Variants in ARHGAP10 observed in about 807,000 individuals in gnomAD.
ARHGAP10 encodes the protein Rho GTPase activating protein 10.
ARHGAP10 carries 87 observed loss-of-function variants against 108.6 expected under a neutral mutation model. That is an observed-to-expected ratio of 0.80 (90% CI 0.67 to 0.96). ARHGAP10 has a LOEUF of 0.96. Among genes scored for constraint, ARHGAP10 ranks in the 40% least tolerant of loss-of-function variants. The pLI, the probability that ARHGAP10 is intolerant of heterozygous loss-of-function variation, is 0.00. For synonymous variants in ARHGAP10, 347 were observed against 341.1 expected (o/e 1.02, Z -0.19); for missense variants, 939 against 954.5 (o/e 0.98, Z 0.21).
intron 1 of ARHGAP10, among the ~76,000 whole-genome samples, chr4:147,740,090 C>T (rs1317956440): frequency 3.3e-5 from 5 of 149,624 alleles, no homozygotes; most frequent in South Asian, 4.3e-4. Context: ...GCTCTGTTGC[C>T]CAGGCTGGAG....
intron 18 of ARHGAP10, among the ~76,000 whole-genome samples, chr4:147,996,388 C>G (rs780206638): frequency 3.3e-5 from 5 of 152,146 alleles, no homozygotes; most frequent in Non-Finnish European, 7.4e-5. Context: ...TGTTTCCTAC[C>G]CTCATAACTT....
intron 13 of ARHGAP10, among the ~76,000 whole-genome samples, chr4:147,934,043 C>T (rs921612650): frequency 6.6e-6 from 1 of 152,182 alleles, no homozygotes; most frequent in African/African-American, 2.4e-5. Flanking sequence ...GCAAGCAGCT[C>T]TGAGTTGGGA....
Position 148,072,706 on chromosome 4 carries a change from C to G in ARHGAP10, c.*625C>G, listed in dbSNP as rs9724. On this transcript the variant is annotated 3_prime_UTR_variant, in exon 23 of 23. Transcript: ENST00000336498. ...AACAGGCTTCTCGGTGCTCCTCACC[C>G]GTGTGCTGTTTTCCAAACACCACCT... 8,040 of 152,332 alleles carry G rather than the reference C, an allele frequency of 0.053. 291 individuals carry two copies. Among genetic ancestry groups the G allele is most frequent in the Middle Eastern group, 0.13 (38 of 296 alleles). 9.4% of individuals were successfully genotyped at this position (152,332 alleles called of 1,614,324 possible). A position where few individuals can be genotyped will look rare whatever the true frequency, so the allele number is the denominator to read the frequency against.
intron 1 of ARHGAP10, among the ~76,000 whole-genome samples, chr4:147,786,641 T>G (rs1373888571): frequency 6.6e-6 from 1 of 152,144 alleles, no homozygotes; most frequent in Non-Finnish European, 1.5e-5. Context: ...ACTTAAAGCA[T>G]TGGTAAATAT....
intron 1 of ARHGAP10, among the ~76,000 whole-genome samples, chr4:147,744,578 C>G (rs966875636): frequency 6.6e-6 from 1 of 151,278 alleles, no homozygotes; most frequent in Admixed American, 6.6e-5. Flanking sequence ...TCATCCAGGC[C>G]AGAGACTTTG....
At chr4:147,763,315 G>GTT (rs771156855) in intron 1 of ARHGAP10, among the ~76,000 whole-genome samples, 1,459 of 138,892 alleles carry the variant, frequency 0.011, 32 homozygotes, top group African/African-American at 0.034. Flanking sequence ...GTAGATAATA[G>GTT]TTTTTTTTTT....
In ARHGAP10 at chr4:147,884,599, G is replaced by A. The variant is rs190295705; in HGVS notation, c.1034+2667G>A. ...CCTTTCTGGGAACTCCTGGCAGGGGGACCTAATCTAGTTTAGGTGGCTAAA... is the reference window on the plus strand; with the variant it reads ...CCTTTCTGGGAACTCCTGGCAGGGGAACCTAATCTAGTTTAGGTGGCTAAA... On this transcript the variant is annotated intron_variant, in intron 10 of 22. Coordinates refer to ENST00000336498, the MANE Select transcript of ARHGAP10 (RefSeq NM_024605.4). 9.9e-3 allele frequency among the ~76,000 whole-genome samples: 1,514 copies of A among 152,272 alleles called. 8 individuals are homozygous for A. The highest frequency in any genetic ancestry group is 0.014 in the Middle Eastern group (4 of 294).
rs534851934 is a variant in ARHGAP10, at chr4:147,914,344, C to T, written c.1228+1205C>T. 1.7e-3 allele frequency among the ~76,000 whole-genome samples: 251 copies of T among 152,042 alleles called. 1 individual carries two copies. Among genetic ancestry groups the T allele is most frequent in the African/African-American group, 5.8e-3 (239 of 41,470 alleles). ...CCTTCCTCCTTTCCTGTATTTGCTG[C>T]GTTGCATTTTTATTTTTATTTTTAT... On this transcript the variant is annotated intron_variant, in intron 13 of 22. Coordinates refer to ENST00000336498, the MANE Select transcript of ARHGAP10 (RefSeq NM_024605.4).
rs752285517 is a variant in ARHGAP10 at position 147,875,046 on chromosome 4, G to A, written c.728G>A (p.Arg243Lys). The change falls in exon 8 of 23, where the codon AGG becomes AAG. Residue 243 changes from arginine to lysine, a missense_variant. Transcript: ENST00000336498. ...ACACGGAATCGATTTGAAGGAACAA[G>A]GTCAGAAGTGGAAGAGCTCATGAAC... ...QNTRNRFEGT[R>K]SEVEELMNKI... is the part of the protein sequence containing the mutation. The A allele has an allele frequency of 6.2e-7, 1 of 1,604,280 alleles. No individual in the cohort carries two copies. Among genetic ancestry groups the A allele is most frequent in the South Asian group, 1.1e-5 (1 of 88,518 alleles).
chr4:147,870,941 TG>T (rs1246937216), intron 7 of ARHGAP10, among the ~76,000 whole-genome samples: 1 of 103,556 alleles, frequency 9.7e-6, no homozygotes, highest in African/African-American at 7.0e-5. Flanking sequence ...TGTGTGTGTG[TG>T]TGTGTGTGTG....
In ARHGAP10 at chr4:147,732,713, G is replaced by GCCCCGCCTGGC. The variant is rs575110774; in HGVS notation, c.154+262_154+272dup. On this transcript the variant is annotated intron_variant, in intron 1 of 22. Transcript: ENST00000336498. ...CCAGCTGCCAGCGGGCCCCGCCTGG[G>GCCCCGCCTGGC]CCCCGCCTGGCCCCGGCCGAACACC... is the stretch of plus-strand genomic sequence containing the variant. Among the ~76,000 whole-genome samples, 765 of 152,214 alleles carry GCCCCGCCTGGC rather than the reference G, an allele frequency of 5.0e-3. 6 individuals are homozygous for GCCCCGCCTGGC. Among genetic ancestry groups the GCCCCGCCTGGC allele is most frequent in the African/African-American group, 0.017 (727 of 41,544 alleles).
chr4:147,934,000 G>C (rs1474305885), intron 13 of ARHGAP10, among the ~76,000 whole-genome samples: 1 of 152,168 alleles, frequency 6.6e-6, no homozygotes, highest in Non-Finnish European at 1.5e-5. Flanking sequence ...CCCAGGCTGC[G>C]AGACATGGGT....
At chr4:147,928,135 A>G (rs769374923) in intron 13 of ARHGAP10, among the ~76,000 whole-genome samples, 4 of 152,190 alleles carry the variant, frequency 2.6e-5, no homozygotes, top group African/African-American at 9.7e-5. Flanking sequence ...TAAACTTTCT[A>G]CCTTTCGTAT....
chr4:147,808,667 G>A (rs1731884317), intron 1 of ARHGAP10, among the ~76,000 whole-genome samples: 3 of 152,088 alleles, frequency 2.0e-5, no homozygotes, highest in Admixed American at 1.3e-4. Context: ...GGGGTTAAGG[G>A]AAAGGCAGGA....
At chr4:147,839,094 A>ATCTT (rs1408209907) in intron 3 of ARHGAP10, among the ~76,000 whole-genome samples, 1 of 51,352 alleles carries the variant, frequency 1.9e-5, no homozygotes, top group African/African-American at 1.7e-4. Flanking sequence ...GATCTATCGT[A>ATCTT]TCTATCTATC....
intron 1 of ARHGAP10, among the ~76,000 whole-genome samples, chr4:147,791,545 CGTGCGCGCGTGT>C (rs1207697597): frequency 6.6e-6 from 1 of 151,788 alleles, no homozygotes. Context: ...CGCGCGCGTG[CGTGCGCGCGTGT>C]ATATATATAT....
At chr4:147,975,273 G>A (rs1175562378) in intron 18 of ARHGAP10, among the ~76,000 whole-genome samples, 1 of 152,078 alleles carries the variant, frequency 6.6e-6, no homozygotes, top group Admixed American at 6.5e-5. Context: ...GCCTTGTACT[G>A]CCCAGAGGTG....
At chr4:147,746,588 C>T (rs1315726063) in intron 1 of ARHGAP10, among the ~76,000 whole-genome samples, 1 of 152,032 alleles carries the variant, frequency 6.6e-6, no homozygotes, top group African/African-American at 2.4e-5. Context: ...CGGGGTTTCA[C>T]CATGTTGGCC....
chr4:147,855,844 G>A (rs543488514), intron 4 of ARHGAP10, among the ~76,000 whole-genome samples: 122 of 152,254 alleles, frequency 8.0e-4, no homozygotes, highest in Middle Eastern at 3.4e-3. Flanking sequence ...ACTGTCCTGG[G>A]TTTCCAGAAG....
Sources: allele counts gnomAD v4.1 joint callset (sites outside exome capture counted in the v4.1 genomes callset), GRCh38; gene constraint gnomAD v4.1.1; transcripts MANE v1.5; gene names NCBI Gene and HGNC (gene_info 2026-07-23, HGNC 2026-07-21).